Variants in GDA observed in about 807,000 individuals in gnomAD.
GDA encodes cytoplasmic PSD-95 interactor.
A neutral mutation model predicts 59.6 loss-of-function variants in GDA; 18 were observed. The observed-to-expected ratio is 0.30, with a 90% confidence interval of 0.21 to 0.45. The LOEUF (loss-of-function observed/expected upper bound fraction) is 0.45, where lower values mean the gene tolerates loss of function less well. GDA is among the 20% of genes least tolerant of loss of function. The pLI is 1.00. For synonymous variants in GDA, 201 were observed against 201.1 expected, an observed-to-expected ratio of 1.00 and a Z score of 0.00; for missense variants, 427 against 552.3, an observed-to-expected ratio of 0.77 and a Z score of 2.27.
chr9:72,252,512 T>A (rs1840770303), downstream of GDA, among the ~76,000 whole-genome samples: 2 of 152,210 alleles, frequency 1.3e-5, no homozygotes, highest in Non-Finnish European at 2.9e-5. Flanking sequence ...GAGTGAGTAA[T>A]GCACTCTATA....
intron 1 of GDA, among the ~76,000 whole-genome samples, chr9:72,120,528 T>C (rs1287771766): frequency 6.6e-6 from 1 of 152,198 alleles, no homozygotes; most frequent in Non-Finnish European, 1.5e-5. Context: ...AAAAATGGCA[T>C]TTGTCATGTG....
downstream of GDA, among the ~76,000 whole-genome samples, chr9:72,255,155 GACA>G (rs1317081874): frequency 1.3e-5 from 2 of 152,174 alleles, no homozygotes; most frequent in Non-Finnish European, 2.9e-5. Context: ...AGCTAAAGTT[GACA>G]ACATATGAGT....
chr9:72,197,381 T>A (rs1446472141), intron 2 of GDA: 1 of 152,176 alleles, frequency 6.6e-6, no homozygotes, highest in African/African-American at 2.4e-5. Context: ...CTACTTCCTC[T>A]TGCTAGATTT....
chr9:72,190,111 C>T lies in GDA; in HGVS notation c.124-5389C>T, dbSNP rs571435645. ...GGTTGTTAATGTTTTCTTTCCTTTT[C>T]TTGTTTTTTTGTTTGTTTGTTTTTG... On this transcript the variant is annotated intron_variant, in intron 1 of 13. Transcript: ENST00000358399. Among the ~76,000 whole-genome samples, 4 of 152,002 alleles carry T rather than the reference C, an allele frequency of 2.6e-5. No individual in the cohort carries two copies. In the East Asian group the frequency reaches 7.7e-4, roughly 29 times the overall value.
intron 7 of GDA, among the ~76,000 whole-genome samples, chr9:72,224,217 C>T (rs2131589792): frequency 6.6e-6 from 1 of 152,188 alleles, no homozygotes. Flanking sequence ...CAAGTTTATC[C>T]TTGCTAGAGA....
chr9:72,133,120 C>T (rs1311774333), intron 1 of GDA, among the ~76,000 whole-genome samples: 1 of 151,456 alleles, frequency 6.6e-6, no homozygotes, highest in Non-Finnish European at 1.5e-5. Context: ...GAAACTCTGT[C>T]TCTACTAAAA....
intron 3 of GDA, among the ~76,000 whole-genome samples, chr9:72,205,274 C>G (rs1316968692): frequency 6.6e-6 from 1 of 152,038 alleles, no homozygotes. Context: ...GCCACGTAGC[C>G]TACTCAGTGG....
At chr9:72,209,092 G>GTT (rs1308087605) in intron 3 of GDA, among the ~76,000 whole-genome samples, 3 of 142,016 alleles carry the variant, frequency 2.1e-5, no homozygotes, top group African/African-American at 2.6e-5. Context: ...TCTGTGACCA[G>GTT]TTTTTTTTTT....
chr9:72,151,256 C>T (rs1029209673), intron 1 of GDA, among the ~76,000 whole-genome samples: 1 of 152,166 alleles, frequency 6.6e-6, no homozygotes, highest in African/African-American at 2.4e-5. Flanking sequence ...AGAAAACATG[C>T]CCTTCCCCCA....
At chr9:72,203,870 G>T (rs946404352) in intron 3 of GDA, among the ~76,000 whole-genome samples, 4 of 151,648 alleles carry the variant, frequency 2.6e-5, no homozygotes, top group African/African-American at 9.7e-5. Context: ...AAGCTGGAGT[G>T]CAGTGGCATG....
chr9:72,212,013 T>G (rs753758871), intron 4 of GDA, among the ~76,000 whole-genome samples: 2 of 152,210 alleles, frequency 1.3e-5, no homozygotes, highest in Non-Finnish European at 2.9e-5. Flanking sequence ...TTTAAAAATC[T>G]CTTATGACAG....
chr9:72,146,996 G>A (rs1234838605), upstream of GDA, among the ~76,000 whole-genome samples: 4 of 152,056 alleles, frequency 2.6e-5, no homozygotes, highest in East Asian at 7.7e-4. Context: ...TGCTTAAGAC[G>A]ATTAATTTCT....
At chr9:72,150,310 C>T (rs1270597530) in intron 1 of GDA, among the ~76,000 whole-genome samples, 1 of 147,658 alleles carries the variant, frequency 6.8e-6, no homozygotes. Flanking sequence ...CTCTTATACA[C>T]ACACGCGTAC....
At chr9:72,201,970 G>A (rs770689440) in intron 2 of GDA, among the ~76,000 whole-genome samples, 3 of 152,168 alleles carry the variant, frequency 2.0e-5, no homozygotes, top group Non-Finnish European at 4.4e-5. Context: ...CTGCCCGTTT[G>A]TGGTCCATCT....
rs150219394 is a variant in GDA at position 72,168,786 on chromosome 9, C to A, written c.123+19104C>A. ...GCAACAACCCTATAAATTAACTATT[C>A]TTTATCTCTATTTTTCAGATGAGGA... On this transcript the variant is annotated intron_variant, in intron 1 of 13. Transcript: ENST00000358399. 4.3e-3 allele frequency among the ~76,000 whole-genome samples: 656 copies of A among 152,276 alleles called. 5 individuals carry two copies. The highest frequency in any genetic ancestry group is 0.011 in the South Asian group (52 of 4,828).
In GDA at chr9:72,250,383, A is replaced by T; in HGVS notation, c.*2041A>T. 1 of 1,123,332 alleles carries T rather than the reference A, an allele frequency of 8.9e-7. No individual in the cohort carries two copies. Among genetic ancestry groups the T allele is most frequent in the South Asian group, 2.4e-5 (1 of 41,856 alleles). The allele number at this position is 1,123,332 out of a possible 1,614,324, so 69.6% of individuals were successfully genotyped here. A position where few individuals can be genotyped will look rare whatever the true frequency, so the allele number is the denominator to read the frequency against. On this transcript the variant is annotated 3_prime_UTR_variant, in exon 14 of 14. Transcript: ENST00000358399. Reference sequence around the variant, plus strand: ...TGCAGTAAATATAAATAAGTGTAGCATCAGAAGCAGTAGGAATGGCCGTAT... The same window carrying T: ...TGCAGTAAATATAAATAAGTGTAGCTTCAGAAGCAGTAGGAATGGCCGTAT...
At chr9:72,122,401 G>T (rs1207910193) in intron 1 of GDA, among the ~76,000 whole-genome samples, 1 of 152,050 alleles carries the variant, frequency 6.6e-6, no homozygotes, top group Admixed American at 6.6e-5. Context: ...TTTGATAGGG[G>T]CATTCTAAGC....
chr9:72,116,283 A>G (rs1027282151), intron 1 of GDA, among the ~76,000 whole-genome samples: 4 of 152,026 alleles, frequency 2.6e-5, no homozygotes, highest in African/African-American at 9.7e-5. Flanking sequence ...TGTGTTTCCT[A>G]TATAAGCATC....
chr9:72,235,080 T>C (rs1247739812), intron 10 of GDA, among the ~76,000 whole-genome samples: 3 of 152,128 alleles, frequency 2.0e-5, no homozygotes, highest in Admixed American at 6.5e-5. Context: ...TGGCACAATA[T>C]GATGTCATGG....
Sources: allele counts gnomAD v4.1 joint callset (sites outside exome capture counted in the v4.1 genomes callset), GRCh38; gene constraint gnomAD v4.1.1; transcripts MANE v1.5; gene names NCBI Gene and HGNC (gene_info 2026-07-23, HGNC 2026-07-21).